Variants in TUSC3 observed in about 807,000 individuals in gnomAD.
TUSC3 encodes dolichyl-diphosphooligosaccharide--protein glycosyltransferase subunit TUSC3.
Under a neutral mutation model 44.8 loss-of-function variants are expected in TUSC3, and 45 were observed. That is an observed-to-expected ratio of 1.00 (90% confidence interval 0.79 to 1.29). The LOEUF (loss-of-function observed/expected upper bound fraction) is 1.29. Ranked by LOEUF, TUSC3 falls within the 50% of genes most tolerant of loss-of-function variation. The probability of loss-of-function intolerance (pLI) is 0.00; values close to 1 mark genes in which losing one functional copy is unlikely to be tolerated. For synonymous variants in TUSC3, 212 were observed against 152.9 expected (o/e 1.39, Z -2.85); for missense variants, 519 against 437.9 (o/e 1.19, Z -1.65).
At chr8:15,665,884 AT>A (rs1258153573) in intron 5 of TUSC3, among the ~76,000 whole-genome samples, 4 of 151,352 alleles carry the variant, frequency 2.6e-5, no homozygotes, top group Non-Finnish European at 5.9e-5. Flanking sequence ...ATGATTGTTC[AT>A]GGAATAGAAT....
intron 1 of TUSC3, among the ~76,000 whole-genome samples, chr8:15,483,005 G>GATA (rs113450570): frequency 0.11 from 16,603 of 152,068 alleles, 1,306 homozygotes; most frequent in African/African-American, 0.22. Context: ...TCAAAAGAAT[G>GATA]ATAATTTAAC....
At chr8:15,701,809 A>G (rs887837281) in intron 6 of TUSC3, among the ~76,000 whole-genome samples, 2 of 152,176 alleles carry the variant, frequency 1.3e-5, no homozygotes, top group African/African-American at 4.8e-5. Context: ...ACACTGAGGC[A>G]AGAGTCTTAA....
the TUSC3 span, among the ~76,000 whole-genome samples, chr8:15,783,884 T>A: frequency 7.2e-5 from 11 of 152,126 alleles, no homozygotes; most frequent in Admixed American, 2.0e-4. Flanking sequence ...ATCTTCTGCA[T>A]AGCAAAAGAA....
chr8:15,746,639 C>G (rs1408350421), intron 8 of TUSC3, among the ~76,000 whole-genome samples: 1 of 151,970 alleles, frequency 6.6e-6, no homozygotes, highest in African/African-American at 2.4e-5. Flanking sequence ...TTCTGTCTTA[C>G]TTGATCACAC....
chr8:15,582,937 C>T (rs1269426445), intron 1 of TUSC3, among the ~76,000 whole-genome samples: 12 of 152,154 alleles, frequency 7.9e-5, no homozygotes, highest in Non-Finnish European at 1.8e-4. Flanking sequence ...TCTGTATATA[C>T]CTCAAATTGC....
chr8:15,426,647 C>G (rs28886571), intron 1 of TUSC3, among the ~76,000 whole-genome samples: 20,892 of 152,152 alleles, frequency 0.14, 1,526 homozygotes, highest in Middle Eastern at 0.22. Context: ...TCAATGGACA[C>G]TTGGGTTGTT....
At position 15,635,642 on chromosome 8, in the gene TUSC3, G is replaced by C. The variant is rs1178554680; in HGVS notation, c.308+12393G>C. 1.3e-5 allele frequency among the ~76,000 whole-genome samples: 2 copies of C among 152,146 alleles called. 1 individual carries two copies. Among genetic ancestry groups the C allele is most frequent in the East Asian group, 3.9e-4 (2 of 5,178 alleles). On this transcript the variant is annotated intron_variant, in intron 2 of 10. Coordinates refer to ENST00000503731, the MANE Select transcript of TUSC3 (RefSeq NM_006765.4). ...TAATAGTAGTAAGGTGCCAGTGGTAGCCCCGACAAAAGAACAAAGGCTCAT... is the reference window on the plus strand; with the variant it reads ...TAATAGTAGTAAGGTGCCAGTGGTACCCCCGACAAAAGAACAAAGGCTCAT...
chr8:15,468,137 A>C (rs569313043), intron 1 of TUSC3, among the ~76,000 whole-genome samples: 2 of 152,318 alleles, frequency 1.3e-5, no homozygotes, highest in East Asian at 3.9e-4. Context: ...GAAAAGCAGA[A>C]TTGAAGAGTA....
At chr8:15,774,092 C>G in the TUSC3 span, among the ~76,000 whole-genome samples, 1 of 152,026 alleles carries the variant, frequency 6.6e-6, no homozygotes, top group East Asian at 1.9e-4. Context: ...CTATGGAGAG[C>G]AATTACCCAT....
intron 6 of TUSC3, among the ~76,000 whole-genome samples, chr8:15,682,783 G>C (rs548884174): frequency 6.8e-6 from 1 of 147,112 alleles, no homozygotes; most frequent in South Asian, 2.2e-4. Context: ...GGCAGCTGTT[G>C]TTCTTTTGTT....
intron 2 of TUSC3, among the ~76,000 whole-genome samples, chr8:15,649,968 A>G (rs1737367132): frequency 6.6e-6 from 1 of 152,306 alleles, no homozygotes; most frequent in Admixed American, 6.5e-5. Flanking sequence ...TACTGCATTT[A>G]CATCCTCCTA....
chr8:15,807,536 A>C, the TUSC3 span, among the ~76,000 whole-genome samples: 1 of 152,186 alleles, frequency 6.6e-6, no homozygotes, highest in Non-Finnish European at 1.5e-5. Flanking sequence ...ATCCAAAGGA[A>C]AATAAATCGT....
intron 1 of TUSC3, among the ~76,000 whole-genome samples, chr8:15,449,422 G>C (rs1189746020): frequency 6.6e-6 from 1 of 152,148 alleles, no homozygotes; most frequent in Non-Finnish European, 1.5e-5. Context: ...ATCCTCCATA[G>C]AGTGGTCAGA....
At chr8:15,519,596 A>G (rs1373655875) in intron 2 of TUSC3, among the ~76,000 whole-genome samples, 3 of 152,090 alleles carry the variant, frequency 2.0e-5, no homozygotes, top group East Asian at 3.9e-4. Flanking sequence ...TGAGGGATCT[A>G]GGTTGTGTAC....
chr8:15,483,796 C>T (rs138639430), intron 2 of TUSC3, among the ~76,000 whole-genome samples: 4,946 of 151,686 alleles, frequency 0.033, 159 homozygotes, highest in Middle Eastern at 0.082. Flanking sequence ...GCTGGGACTA[C>T]AGGCGCCAGC....
At chr8:15,720,661 C>G (rs190350904) in intron 6 of TUSC3, among the ~76,000 whole-genome samples, 2 of 152,226 alleles carry the variant, frequency 1.3e-5, no homozygotes, top group African/African-American at 4.8e-5. Context: ...CATTAGATTT[C>G]TAAAGCTGCT....
intron 1 of TUSC3, among the ~76,000 whole-genome samples, chr8:15,591,846 T>C (rs1476751484): frequency 2.0e-5 from 3 of 152,220 alleles, no homozygotes; most frequent in Non-Finnish European, 4.4e-5. Context: ...AGAAGTTTAC[T>C]TTTTATTTTA....
chr8:15,566,441 G>C (rs915070489), intron 1 of TUSC3, among the ~76,000 whole-genome samples: 5 of 152,122 alleles, frequency 3.3e-5, no homozygotes, highest in African/African-American at 1.2e-4. Context: ...ATTTTAAGAT[G>C]AGGGGGCCTA....
At chr8:15,785,358 G>C in the TUSC3 span, among the ~76,000 whole-genome samples, 15 of 152,008 alleles carry the variant, frequency 9.9e-5, no homozygotes, top group Non-Finnish European at 1.9e-4. Context: ...GAAATGATAA[G>C]GTTCCTTTGC....
Sources: gnomAD v4.1 joint callset for allele counts (sites outside exome capture counted in the v4.1 genomes callset) on GRCh38, gnomAD v4.1.1 for gene constraint, MANE v1.5 for transcripts, NCBI Gene and HGNC (gene_info 2026-07-23, HGNC 2026-07-21) for gene names.